TCF20: variants seen among roughly 807,000 people sequenced by gnomAD.
TCF20 encodes the protein SPRE-binding protein.
In TCF20, 3 loss-of-function variants were observed where a neutral mutation model predicts 148.6. The ratio of observed to expected loss-of-function variants is 0.02; its 90% CI spans 0.01 to 0.05. TCF20 has a LOEUF of 0.05. Among genes scored for constraint, TCF20 ranks in the 10% least tolerant of loss-of-function variants. TCF20 has a pLI of 1.00. For synonymous variants in TCF20, 1,049 were observed against 909.5 expected (o/e 1.15, Z -2.76); for missense variants, 2,350 against 2,429.3 (o/e 0.97, Z 0.69).
chr22:42,227,007 G>T (rs1922969236), intron 1 of TCF20, among the ~76,000 whole-genome samples: 3 of 152,192 alleles, frequency 2.0e-5, no homozygotes, highest in Admixed American at 2.0e-4. Flanking sequence ...TTAAGACTGG[G>T]CGTGGTGGCT....
At chr22:42,179,347 A>G (rs1936635779) in intron 3 of TCF20, among the ~76,000 whole-genome samples, 1 of 152,050 alleles carries the variant, frequency 6.6e-6, no homozygotes, top group Non-Finnish European at 1.5e-5. Flanking sequence ...CAGAGATAGA[A>G]AGGATTGAGT....
At chr22:42,332,333 C>T (rs1927990840) in intron 1 of TCF20, among the ~76,000 whole-genome samples, 1 of 152,112 alleles carries the variant, frequency 6.6e-6, no homozygotes, top group Non-Finnish European at 1.5e-5. Flanking sequence ...CAAAAGGTCC[C>T]TCTATGTGGC....
At chr22:42,170,054 C>T (rs1721642340) in intron 3 of TCF20, among the ~76,000 whole-genome samples, 158 bp from the exon 4 acceptor site, 1 of 151,980 alleles carries the variant, frequency 6.6e-6, no homozygotes, top group Admixed American at 6.6e-5. Context: ...AGCTATGATA[C>T]CTTAACATGA....
At chr22:42,272,425 G>C (rs1203150699), upstream of TCF20, among the ~76,000 whole-genome samples, 1 of 152,098 alleles carries the variant, frequency 6.6e-6, no homozygotes, top group African/African-American at 2.4e-5. Flanking sequence ...TTTTTCCTTA[G>C]AGTCCCCTGC....
chr22:42,290,301 G>A lies in TCF20; in HGVS notation c.-37+53178C>T, dbSNP rs1927110463. 6.6e-6 allele frequency among the ~76,000 whole-genome samples: 1 copy of A among 152,230 alleles called. No homozygotes were observed. The highest frequency in any genetic ancestry group is 2.4e-5 in the African/African-American group (1 of 41,474). ...CTCGGGGCCCCTGAGAAGCGGCCCAGCACAGGCCGTCTGATGTCCTCTCAA... is the reference window on the plus strand; with the variant it reads ...CTCGGGGCCCCTGAGAAGCGGCCCAACACAGGCCGTCTGATGTCCTCTCAA... On this transcript the variant is annotated intron_variant, in intron 1 of 1. Transcript: ENST00000515426. This position sits in a 1 kb window ranked among gnomAD's most constrained non-coding sequence, Gnocchi z 4.2.
At position 42,213,763 on chromosome 22, in the gene TCF20, T is replaced by C. The variant is rs773615880; in HGVS notation, c.1543A>G (p.Met515Val). ...SQPEEQLKSPMAESLDGGCSS... is the reference protein window; with the variant it reads ...SQPEEQLKSPVAESLDGGCSS... ...CAGCCTCCATCTAATGACTCTGCCATAGGGGACTTCAGCTGTTCTTCAGGT... is the reference window on the plus strand; with the variant it reads ...CAGCCTCCATCTAATGACTCTGCCACAGGGGACTTCAGCTGTTCTTCAGGT... Residue 515 changes from methionine to valine, a missense_variant, in exon 2 of 6, where the codon ATG (methionine) becomes GTG (valine). Met to Val is a conservative substitution (Grantham distance 21). Around this residue, in one of 7 missense-constraint regions of TCF20, gnomAD observed 1,641 missense variants for 1,662.6 expected, o/e 0.99. Coordinates refer to ENST00000677622, the MANE Select transcript of TCF20 (RefSeq NM_001378418.1). 21 of 1,614,008 alleles carry C rather than the reference T, an allele frequency of 1.3e-5. No individual in the cohort carries two copies. Among genetic ancestry groups the C allele is most frequent in the Non-Finnish European group, 1.8e-5 (21 of 1,180,030 alleles).
At chr22:42,246,994 AAAAG>A (rs1299489788) in intron 1 of TCF20, among the ~76,000 whole-genome samples, 1 of 151,564 alleles carries the variant, frequency 6.6e-6, no homozygotes, top group African/African-American at 2.4e-5. Flanking sequence ...AAAAAAGGAA[AAAAG>A]AAAGGTATAA....
At chr22:42,319,780 G>A (rs756734463) in intron 1 of TCF20, among the ~76,000 whole-genome samples, 4 of 152,160 alleles carry the variant, frequency 2.6e-5, no homozygotes, top group African/African-American at 7.2e-5. Flanking sequence ...TGAACTCCAC[G>A]GTGGACAGGC....
chr22:42,275,604 G>A (rs996045663), upstream of TCF20, among the ~76,000 whole-genome samples: 3 of 152,146 alleles, frequency 2.0e-5, no homozygotes, highest in Admixed American at 6.5e-5. Flanking sequence ...CAGGGGAGTC[G>A]GCGCCCTTAC....
chr22:42,184,634 G>T (rs917329019), intron 2 of TCF20, among the ~76,000 whole-genome samples: 1 of 152,054 alleles, frequency 6.6e-6, no homozygotes, highest in Non-Finnish European at 1.5e-5. Flanking sequence ...CCAAGCAGAG[G>T]TAAGTCCATA....
intron 2 of TCF20, among the ~76,000 whole-genome samples, chr22:42,195,611 C>T (rs1184338329): frequency 2.0e-5 from 3 of 151,774 alleles, no homozygotes; most frequent in Admixed American, 6.6e-5. Context: ...GCGATTCTCC[C>T]GCCTCAGCCT....
At chr22:42,246,525 T>A (rs1924919273) in intron 1 of TCF20, among the ~76,000 whole-genome samples, 1 of 152,214 alleles carries the variant, frequency 6.6e-6, no homozygotes, top group Admixed American at 6.5e-5. Context: ...TAAATACCAT[T>A]GTTTGCCTTT....
rs759118027 is a variant in TCF20, at chr22:42,216,079, CTTTTTTTTTTT to C, written c.-36-749_-36-739del. Reference sequence around the variant, plus strand: ...GGTGTGGGGTAAGAAAAACCAAATCCTTTTTTTTTTTTTTTTTTTTTTTTTTTTGAGACAAG... The same window carrying C: ...GGTGTGGGGTAAGAAAAACCAAATCCTTTTTTTTTTTTTTTTTGAGACAAG... On this transcript the variant is annotated intron_variant, in intron 1 of 5. Coordinates refer to ENST00000677622, the MANE Select transcript of TCF20 (RefSeq NM_001378418.1). Among the ~76,000 whole-genome samples the C allele has an allele frequency of 5.8e-3, 293 of 50,576 alleles. 4 individuals are homozygous for C. Among genetic ancestry groups the C allele is most frequent in the Non-Finnish European group, 7.6e-3 (217 of 28,390 alleles). 33.2% of individuals were successfully genotyped at this position (50,576 alleles called of 152,430 possible). A position where few individuals can be genotyped will look rare whatever the true frequency, so the allele number is the denominator to read the frequency against.
chr22:42,162,917 G>A (rs1032223241), intron 5 of TCF20, among the ~76,000 whole-genome samples: 3 of 152,164 alleles, frequency 2.0e-5, no homozygotes, highest in Admixed American at 1.3e-4. Flanking sequence ...ACACACAGAG[G>A]CCATGGCACA....
intron 1 of TCF20, among the ~76,000 whole-genome samples, chr22:42,334,662 G>T (rs763071493): frequency 2.0e-5 from 3 of 152,226 alleles, no homozygotes; most frequent in Admixed American, 6.5e-5. Context: ...TGAGCCAGGC[G>T]CTGCACTGAG....
intron 1 of TCF20, among the ~76,000 whole-genome samples, chr22:42,256,358 C>CT (rs1316883407): frequency 2.6e-5 from 4 of 151,892 alleles, no homozygotes; most frequent in Admixed American, 2.6e-4. Context: ...CAGAAATTTT[C>CT]TTTTTTCTTT....
chr22:42,224,389 G>C (rs1041134397), intron 1 of TCF20, among the ~76,000 whole-genome samples: 1 of 151,550 alleles, frequency 6.6e-6, no homozygotes, highest in Non-Finnish European at 1.5e-5. Flanking sequence ...GGAGAATGGC[G>C]TGAACCTGGG....
At chr22:42,335,328 G>C (rs1007929855) in intron 1 of TCF20, among the ~76,000 whole-genome samples, 1 of 151,964 alleles carries the variant, frequency 6.6e-6, no homozygotes, top group Non-Finnish European at 1.5e-5. Context: ...TCTCTCTCTG[G>C]CACCACTCAG....
At chr22:42,191,857 C>A (rs545914300) in intron 2 of TCF20, among the ~76,000 whole-genome samples, 3 of 152,084 alleles carry the variant, frequency 2.0e-5, no homozygotes, top group Admixed American at 2.0e-4. Context: ...AAGGCTGAAC[C>A]CAGCAGGAGT....
Sources: gnomAD v4.1 joint callset for allele counts (sites outside exome capture counted in the v4.1 genomes callset) on GRCh38, gnomAD v4.1.1 for gene constraint, gnomAD v4.1.1 regional missense constraint, Gnocchi (gnomAD v3.1) non-coding constraint, MANE v1.5 for transcripts, NCBI Gene and HGNC (gene_info 2026-07-23, HGNC 2026-07-21) for gene names.